DIAPH3: variants seen among roughly 807,000 people sequenced by gnomAD.
DIAPH3 encodes diaphanous related formin 3.
A neutral mutation model predicts 144.3 loss-of-function variants in DIAPH3; 117 were observed. That is an observed-to-expected ratio of 0.81 (90% CI 0.70 to 0.95). The LOEUF (loss-of-function observed/expected upper bound fraction) is 0.95, where lower values mean the gene tolerates loss of function less well. Ranked by LOEUF, DIAPH3 falls within the 40% of genes least tolerant of loss-of-function variation. DIAPH3 has a pLI of 0.00. For missense variants in DIAPH3, 1,421 were observed against 1,412.7 expected, an observed-to-expected ratio of 1.01 and a Z score of -0.09; for synonymous variants, 519 against 488.9, an observed-to-expected ratio of 1.06 and a Z score of -0.81.
chr13:59,733,302 T>C (rs1262409647), intron 27 of DIAPH3, among the ~76,000 whole-genome samples: 2 of 152,190 alleles, frequency 1.3e-5, no homozygotes, highest in African/African-American at 2.4e-5. Context: ...AATATATATC[T>C]AACCATTTCT....
chr13:59,804,152 G>A (rs2040077062), intron 25 of DIAPH3, among the ~76,000 whole-genome samples: 1 of 152,162 alleles, frequency 6.6e-6, no homozygotes, highest in Admixed American at 6.5e-5. Flanking sequence ...GAACATTGAA[G>A]AATCCCTCCT....
intron 27 of DIAPH3, among the ~76,000 whole-genome samples, chr13:59,672,493 T>C (rs2032428213): frequency 6.6e-6 from 1 of 152,214 alleles, no homozygotes; most frequent in Admixed American, 6.5e-5. Flanking sequence ...ACCTACTAAG[T>C]AGCTGTTTTG....
intron 17 of DIAPH3, among the ~76,000 whole-genome samples, chr13:59,941,605 G>A (rs1206345736): frequency 6.6e-6 from 1 of 152,186 alleles, no homozygotes; most frequent in East Asian, 1.9e-4. Flanking sequence ...TGCATAGTAT[G>A]TTTAGACAAG....
chr13:59,785,669 T>C (rs2038997648), intron 25 of DIAPH3, among the ~76,000 whole-genome samples: 1 of 152,210 alleles, frequency 6.6e-6, no homozygotes, highest in Non-Finnish European at 1.5e-5. Flanking sequence ...GATTAGTCAA[T>C]GCAACACATT....
intron 4 of DIAPH3, among the ~76,000 whole-genome samples, chr13:60,076,496 C>T (rs1421864668): frequency 6.6e-6 from 1 of 152,116 alleles, no homozygotes; most frequent in Non-Finnish European, 1.5e-5. Context: ...TCTGTCAAAA[C>T]GTTGACATAA....
intron 4 of DIAPH3, among the ~76,000 whole-genome samples, chr13:60,081,917 C>T (rs2057571083): frequency 6.6e-6 from 1 of 151,940 alleles, no homozygotes; most frequent in Non-Finnish European, 1.5e-5. Flanking sequence ...GTTGCCAGAG[C>T]TCCTTCCAGA....
intron 27 of DIAPH3, among the ~76,000 whole-genome samples, chr13:59,683,238 C>T (rs563501984): frequency 1.3e-5 from 2 of 152,098 alleles, no homozygotes; most frequent in Non-Finnish European, 2.9e-5. Context: ...ACAGTAAGAA[C>T]AGCTTGGATT....
At position 59,916,181 on chromosome 13, in the gene DIAPH3, T is replaced by C. The variant is rs781419560; in HGVS notation, c.2239A>G (p.Thr747Ala). 3 of 1,613,254 alleles carry C rather than the reference T, an allele frequency of 1.9e-6. No homozygotes were observed. The South Asian group carries it at 3.3e-5, about 18-fold the overall frequency. The change falls in exon 19 of 28, where the codon ACA becomes GCA. Residue 747 changes from threonine (T) to alanine (A), a missense_variant. Thr to Ala is a moderately conservative substitution (Grantham distance 58). Coordinates refer to ENST00000400324, the MANE Select transcript of DIAPH3 (RefSeq NM_001042517.2). Reference protein sequence around the residue: ...IRMMILEVDETRLAESMIQNL... With the variant: ...IRMMILEVDEARLAESMIQNL... ...TGAATCATAGACTCTGCCAACCGTG[T>C]TTCATCTACTTCCAATATCATCATT...
At chr13:60,021,519 G>A (rs1034069058) in intron 5 of DIAPH3, among the ~76,000 whole-genome samples, 1 of 152,050 alleles carries the variant, frequency 6.6e-6, no homozygotes, top group African/African-American at 2.4e-5. Context: ...AGCTACTTGG[G>A]AGGCTGAGGC....
intron 2 of DIAPH3, among the ~76,000 whole-genome samples, chr13:60,127,813 A>G (rs527517703): frequency 6.6e-6 from 1 of 152,254 alleles, no homozygotes; most frequent in African/African-American, 2.4e-5. Flanking sequence ...TGCACTCATT[A>G]TTGTATATAT....
intron 19 of DIAPH3, among the ~76,000 whole-genome samples, chr13:59,915,942 T>C (rs2047197421): frequency 6.6e-6 from 1 of 152,134 alleles, no homozygotes; most frequent in Non-Finnish European, 1.5e-5. Context: ...ATACTTAAAA[T>C]GTAATCATTT....
In DIAPH3 at chr13:60,161,262, GAACT is replaced by G. The variant is rs376916857; in HGVS notation, c.180+2321_180+2324del. On this transcript the variant is annotated intron_variant, in intron 1 of 27. Transcript: ENST00000400324. ...CTTCATCCAATCAAGAAAAAGCCAA[GAACT>G]AACTTGACATCTGCAAGAACAGTGA... 1.7e-3 allele frequency among the ~76,000 whole-genome samples: 266 copies of G among 152,294 alleles called. 1 individual carries two copies. Among genetic ancestry groups the G allele is most frequent in the African/African-American group, 5.8e-3 (242 of 41,552 alleles).
At chr13:60,112,750 C>T (rs2058602509) in intron 2 of DIAPH3, among the ~76,000 whole-genome samples, 1 of 152,176 alleles carries the variant, frequency 6.6e-6, no homozygotes, top group South Asian at 2.1e-4. Context: ...TGAATATCTA[C>T]AGGGCAAAAT....
intron 17 of DIAPH3, among the ~76,000 whole-genome samples, chr13:59,961,071 T>C (rs2049728173): frequency 2.0e-5 from 3 of 152,170 alleles, no homozygotes; most frequent in African/African-American, 7.2e-5. Flanking sequence ...GCTATTAACA[T>C]AGGTCAGTTA....
At chr13:59,915,714 T>C (rs1280757879) in intron 19 of DIAPH3, among the ~76,000 whole-genome samples, 6 of 152,038 alleles carry the variant, frequency 3.9e-5, no homozygotes, top group Admixed American at 2.0e-4. Flanking sequence ...CTAATACTCA[T>C]AGGAGCCCAA....
At chr13:59,855,849 A>C (rs986897337) in intron 22 of DIAPH3, among the ~76,000 whole-genome samples, 5 of 152,062 alleles carry the variant, frequency 3.3e-5, no homozygotes, top group South Asian at 2.1e-4. Flanking sequence ...AATTACAACT[A>C]TTATAGTAGC....
intron 20 of DIAPH3, among the ~76,000 whole-genome samples, chr13:59,907,865 TG>T (rs1277956278): frequency 6.6e-6 from 1 of 152,222 alleles, no homozygotes; most frequent in East Asian, 1.9e-4. Flanking sequence ...TAAATAATTT[TG>T]CTTCCAATTT....
chr13:60,078,526 A>G (rs2057449305), intron 4 of DIAPH3, among the ~76,000 whole-genome samples: 1 of 152,080 alleles, frequency 6.6e-6, no homozygotes, highest in Non-Finnish European at 1.5e-5. Context: ...AGGAAAGAAT[A>G]GAATGGGTCA....
intron 1 of DIAPH3, among the ~76,000 whole-genome samples, chr13:60,152,859 A>G (rs1951858644): frequency 6.6e-6 from 1 of 152,114 alleles, no homozygotes; most frequent in Non-Finnish European, 1.5e-5. Flanking sequence ...TCATCACTAA[A>G]CAAAGGACTA....
Sources: allele counts gnomAD v4.1 joint callset (sites outside exome capture counted in the v4.1 genomes callset), GRCh38; gene constraint gnomAD v4.1.1; transcripts MANE v1.5; gene names NCBI Gene and HGNC (gene_info 2026-07-23, HGNC 2026-07-21).